The following SMYD1 variants were observed in gnomAD, a reference collection of about 807,000 sequenced individuals.
SMYD1 encodes the protein histone-lysine N-methyltransferase SMYD1.
Under a neutral mutation model 54.0 loss-of-function variants are expected in SMYD1, and 49 were observed. The ratio of observed to expected loss-of-function variants is 0.91; its 90% CI spans 0.72 to 1.15. The LOEUF is 1.15. Among genes scored for constraint, SMYD1 ranks in the 50% most tolerant of loss-of-function variants. The pLI is 0.00. For synonymous variants in SMYD1, 269 were observed against 234.2 expected, an observed-to-expected ratio of 1.15 and a Z score of -1.36; for missense variants, 653 against 639.6, an observed-to-expected ratio of 1.02 and a Z score of -0.23.
rs746376049 is a variant in SMYD1 at position 88,087,997 on chromosome 2, C to A, written c.450C>A (p.Asp150Glu). 6.2e-7 allele frequency: 1 copy of A among 1,614,176 alleles called. No individual in the cohort carries two copies. The highest frequency in any genetic ancestry group is 1.1e-5 in the South Asian group (1 of 91,086). ...GEEEQKDLRV[D>E]VDTFLQYWPP... is the part of the protein sequence containing the mutation. Reference sequence around the variant, plus strand: ...AGGAGCAGAAGGACCTGCGGGTGGACGTGGACACATTCTTGCAGTACTGGC... The same window carrying A: ...AGGAGCAGAAGGACCTGCGGGTGGAAGTGGACACATTCTTGCAGTACTGGC... The change falls in exon 3 of 10, where the codon GAC (aspartate) becomes GAA (glutamate). Residue 150 changes from aspartate (D) to glutamate (E), a missense_variant. Transcript: ENST00000419482.
chr2:88,102,978 G>A (rs1674754826), intron 6 of SMYD1, 80 bp from the exon 7 acceptor site: 1 of 1,099,424 alleles, frequency 9.1e-7, no homozygotes, highest in East Asian at 2.4e-5. Flanking sequence ...TACATTGAAT[G>A]TCAAAGATGG....
At chr2:88,082,564 G>T (rs558559506) in intron 1 of SMYD1, 1 of 154,478 alleles carries the variant, frequency 6.5e-6, no homozygotes, top group African/African-American at 2.4e-5. Context: ...CCTGGCCTTT[G>T]GGCTGGTCCT....
Position 88,104,518 on chromosome 2 carries a change from T to C in SMYD1, c.981+1368T>C, listed in dbSNP as rs1674812820. 2.0e-5 allele frequency among the ~76,000 whole-genome samples: 3 copies of C among 152,292 alleles called. No individual in the cohort carries two copies. The South Asian group carries it at 6.2e-4, about 32-fold the overall frequency. Reference sequence around the variant, plus strand: ...TCCATTGCCCTGGGTTCTCTCCTGTTCGTTTCTTCTCCTTCTCCATTCAGA... The same window carrying C: ...TCCATTGCCCTGGGTTCTCTCCTGTCCGTTTCTTCTCCTTCTCCATTCAGA... On this transcript the variant is annotated intron_variant, in intron 7 of 9. Transcript: ENST00000419482.
chr2:88,096,605 C>A lies in SMYD1; in HGVS notation c.709C>A (p.Arg237=), dbSNP rs769248572. ...TTCACCCTGCTTCAGAATTGAGCTCCGGGCCCTAGGCAAGATCTCAGAAGG... is the reference window on the plus strand; with the variant it reads ...TTCACCCTGCTTCAGAATTGAGCTCAGGGCCCTAGGCAAGATCTCAGAAGG... The part of the protein sequence containing the change: ...MFHTQMRIEL[R]ALGKISEGEE... The change falls in exon 6 of 10, where the codon CGG becomes AGG. Residue 237 remains arginine, a synonymous_variant. Transcript: ENST00000419482. 1.9e-6 allele frequency: 3 copies of A among 1,611,430 alleles called. No individual in the cohort carries two copies. Among genetic ancestry groups the A allele is most frequent in the South Asian group, 2.2e-5 (2 of 90,586 alleles).
intron 6 of SMYD1, among the ~76,000 whole-genome samples, chr2:88,098,339 T>C (rs983958831): frequency 6.6e-6 from 1 of 152,250 alleles, no homozygotes; most frequent in East Asian, 1.9e-4. Context: ...ATGTGTGGCC[T>C]TTAGTTCCCA....
At chr2:88,101,794 T>A (rs932581200) in intron 6 of SMYD1, among the ~76,000 whole-genome samples, 1 of 152,098 alleles carries the variant, frequency 6.6e-6, no homozygotes, top group Non-Finnish European at 1.5e-5. Context: ...GTAGTAGAGC[T>A]TGGATTTCAC....
At chr2:88,110,219 G>GTGTA (rs1674983514) in intron 9 of SMYD1, 135 bp from the exon 10 acceptor site, 2 of 841,278 alleles carry the variant, frequency 2.4e-6, no homozygotes, top group Admixed American at 2.6e-5. Context: ...GTGTGTGTGT[G>GTGTA]TGTGTGTGTG....
intron 1 of SMYD1, among the ~76,000 whole-genome samples, chr2:88,076,132 T>C (rs775313310): frequency 6.6e-6 from 1 of 152,200 alleles, no homozygotes; most frequent in Non-Finnish European, 1.5e-5. Flanking sequence ...ACCATGCTTG[T>C]GGAATGTGGG....
chr2:88,077,003 C>A (rs1212043727), intron 1 of SMYD1, among the ~76,000 whole-genome samples: 24 of 142,880 alleles, frequency 1.7e-4, no homozygotes, highest in African/African-American at 6.2e-4. Context: ...CAGAGAAAGA[C>A]CCTGTCTCAA....
chr2:88,082,651 G>A (rs1399980239), intron 1 of SMYD1: 1 of 154,408 alleles, frequency 6.5e-6, no homozygotes, highest in Non-Finnish European at 1.5e-5. Flanking sequence ...CGGCTACAGG[G>A]ATTTCTGTAG....
At chr2:88,068,745 C>A (rs917783018) in intron 1 of SMYD1, among the ~76,000 whole-genome samples, 23 of 151,906 alleles carry the variant, frequency 1.5e-4, no homozygotes, top group African/African-American at 5.5e-4. Flanking sequence ...CTTTTAAATT[C>A]CAAAGATCTA....
intron 6 of SMYD1, among the ~76,000 whole-genome samples, chr2:88,102,540 G>A (rs1019894631): frequency 6.6e-6 from 1 of 151,902 alleles, no homozygotes; most frequent in Non-Finnish European, 1.5e-5. Flanking sequence ...TAATCACAAG[G>A]AGCCTCCTTA....
chr2:88,069,266 C>T (rs1279169458), intron 1 of SMYD1, among the ~76,000 whole-genome samples: 1 of 152,186 alleles, frequency 6.6e-6, no homozygotes, highest in Non-Finnish European at 1.5e-5. Context: ...AAGGGCACTG[C>T]TTCCCACAGA....
Position 88,096,784 on chromosome 2 carries a change from G to A in SMYD1, c.888G>A (p.Lys296=). The change falls in exon 6 of 10, where the codon AAG becomes AAA. Residue 296 remains lysine, a splice_region_variant and synonymous_variant. Transcript: ENST00000419482. ...TCCTGGGGGTGAAAGACAACCCCAAGGTACACACAGCCCTGCTGCTGAGGT... is the reference window on the plus strand; with the variant it reads ...TCCTGGGGGTGAAAGACAACCCCAAAGTACACACAGCCCTGCTGCTGAGGT... ...DLFLGVKDNP[K]PSQEVVKEMI... 1 of 1,612,116 alleles carries A rather than the reference G, an allele frequency of 6.2e-7. No individual in the cohort carries two copies. The highest frequency in any genetic ancestry group is 8.5e-7 in the Non-Finnish European group (1 of 1,179,100).
At chr2:88,087,692 T>C (rs1252644701) in intron 2 of SMYD1, among the ~76,000 whole-genome samples, 170 bp from the exon 3 acceptor site, 3 of 152,204 alleles carry the variant, frequency 2.0e-5, no homozygotes, top group Non-Finnish European at 4.4e-5. Context: ...CTTGTTTACT[T>C]ACCTCTCCCC....
chr2:88,093,602 T>C, intron 5 of SMYD1, 47 bp downstream of exon 5: 3 of 1,611,844 alleles, frequency 1.9e-6, no homozygotes, highest in Non-Finnish European at 2.5e-6. Flanking sequence ...CCCATCTCCC[T>C]CACTTACCTG....
At chr2:88,087,236 T>G (rs116126057) in intron 2 of SMYD1, among the ~76,000 whole-genome samples, 1,675 of 152,174 alleles carry the variant, frequency 0.011, 36 homozygotes, top group African/African-American at 0.038. Flanking sequence ...GTCAAGTGAC[T>G]TGCCCAGGCT....
chr2:88,112,428 C>A lies in SMYD1; in HGVS notation c.*1916C>A, dbSNP rs191944704. ...TTCCCTTTGGAATGTACTCTGGATC[C>A]CTTCCCCTGCTTTGACCCCCAGACT... On this transcript the variant is annotated 3_prime_UTR_variant, in exon 10 of 10. Transcript: ENST00000419482. 1.4e-5 allele frequency: 6 copies of A among 426,194 alleles called. No homozygotes were observed. Among genetic ancestry groups the A allele is most frequent in the East Asian group, 1.2e-4 (3 of 25,396 alleles). The allele number at this position is 426,194 out of a possible 1,614,324, so 26.4% of individuals were successfully genotyped here. A position where few individuals can be genotyped will look rare whatever the true frequency, so the allele number is the denominator to read the frequency against.
intron 4 of SMYD1, among the ~76,000 whole-genome samples, chr2:88,092,224 G>A (rs11676474): frequency 0.44 from 66,037 of 151,580 alleles, 15,000 homozygotes; most frequent in East Asian, 0.79. Flanking sequence ...CCTGGGTGAC[G>A]CAACCCTCAG....
Sources: gnomAD v4.1 joint callset for allele counts (sites outside exome capture counted in the v4.1 genomes callset) on GRCh38, gnomAD v4.1.1 for gene constraint, MANE v1.5 for transcripts, NCBI Gene and HGNC (gene_info 2026-07-23, HGNC 2026-07-21) for gene names.